Variants in GINS1 observed in about 807,000 individuals in gnomAD.
The protein encoded by GINS1 is GINS complex subunit 1.
A neutral mutation model predicts 34.9 loss-of-function variants in GINS1; 26 were observed. The ratio of observed to expected loss-of-function variants is 0.74; its 90% CI spans 0.55 to 1.03. GINS1 has a LOEUF of 1.03. GINS1 is among the 50% of genes least tolerant of loss of function. The pLI, the probability that GINS1 is intolerant of heterozygous loss-of-function variation, is 0.00. For synonymous variants in GINS1, 97 were observed against 84.4 expected (o/e 1.15, Z -0.82); for missense variants, 235 against 237.9 (o/e 0.99, Z 0.08).
chr20:25,416,215 A>G (rs573080292), intron 2 of GINS1, among the ~76,000 whole-genome samples: 4 of 152,318 alleles, frequency 2.6e-5, no homozygotes, highest in African/African-American at 9.6e-5. Context: ...TGAGAAGGTT[A>G]TAAATGTTTT....
At chr20:25,410,879 C>T (rs567931827) in intron 1 of GINS1, among the ~76,000 whole-genome samples, 32 of 152,242 alleles carry the variant, frequency 2.1e-4, no homozygotes, top group African/African-American at 7.7e-4. Flanking sequence ...ACAGGCTTTT[C>T]TTCTGGAATC....
intron 5 of GINS1, among the ~76,000 whole-genome samples, chr20:25,432,910 T>C (rs973405508): frequency 6.7e-6 from 1 of 149,130 alleles, no homozygotes; most frequent in African/African-American, 2.4e-5. Context: ...TTCTATAATA[T>C]ATAATAGTCT....
chr20:25,439,919 T>A lies in GINS1; in HGVS notation c.448-1783T>A, dbSNP rs151299341. On this transcript the variant is annotated intron_variant, in intron 5 of 6. Transcript: ENST00000262460. ...CTGAGGCAGGAGAATTGCTTGAACC[T>A]GGGAAGCGGAGGTTCCAGTGAGCCA... Among the ~76,000 whole-genome samples the A allele has an allele frequency of 1.4e-3, 205 of 150,118 alleles. 1 individual carries two copies. The highest frequency in any genetic ancestry group is 4.8e-3 in the African/African-American group (194 of 40,760).
chr20:25,414,168 G>A (rs2482910), intron 2 of GINS1, among the ~76,000 whole-genome samples: 233 of 117,312 alleles, frequency 2.0e-3, no homozygotes, highest in Middle Eastern at 0.015. Context: ...CCAGCCTGGC[G>A]ATAGGGCAAG....
intron 6 of GINS1, among the ~76,000 whole-genome samples, chr20:25,445,348 ATTTT>A (rs61186516): frequency 7.2e-6 from 1 of 138,356 alleles, no homozygotes; most frequent in Non-Finnish European, 1.6e-5. Flanking sequence ...CGCCTGGCTA[ATTTT>A]TTTTTTTTTT....
intron 5 of GINS1, among the ~76,000 whole-genome samples, chr20:25,428,163 G>A (rs117547483): frequency 0.014 from 2,058 of 151,970 alleles, 24 homozygotes; most frequent in Middle Eastern, 0.031. Flanking sequence ...GTGAGCCATC[G>A]CACCCGGCCA....
chr20:25,413,037 T>C (rs1392548279), intron 1 of GINS1, among the ~76,000 whole-genome samples: 1 of 151,970 alleles, frequency 6.6e-6, no homozygotes, highest in African/African-American at 2.4e-5. Context: ...CTCATTGTTG[T>C]GTATGTTGTC....
At chr20:25,440,982 C>A (rs1422767321) in intron 5 of GINS1, among the ~76,000 whole-genome samples, 1 of 152,080 alleles carries the variant, frequency 6.6e-6, no homozygotes, top group Non-Finnish European at 1.5e-5. Flanking sequence ...AAGACATAGT[C>A]GTTGCTGGCG....
intron 5 of GINS1, among the ~76,000 whole-genome samples, chr20:25,436,367 G>A (rs766749846): frequency 6.6e-6 from 1 of 152,160 alleles, no homozygotes; most frequent in Non-Finnish European, 1.5e-5. Flanking sequence ...TTATATTTAT[G>A]TCTTTTATCA....
intron 1 of GINS1, among the ~76,000 whole-genome samples, chr20:25,411,618 G>A (rs1301626126): frequency 6.6e-6 from 1 of 151,904 alleles, no homozygotes; most frequent in Non-Finnish European, 1.5e-5. Context: ...GGCCAACATG[G>A]CGAAACCCTG....
intron 5 of GINS1, among the ~76,000 whole-genome samples, chr20:25,426,608 C>T (rs1391004515): frequency 6.6e-6 from 1 of 151,874 alleles, no homozygotes; most frequent in Admixed American, 6.6e-5. Context: ...TCACCGCAAC[C>T]TCCGCCTCCT....
chr20:25,419,602 C>T (rs562915785), intron 4 of GINS1: 22 of 781,792 alleles, frequency 2.8e-5, no homozygotes, highest in African/African-American at 2.7e-4. Flanking sequence ...ATGAACAGAA[C>T]ATTATGTTTC....
intron 4 of GINS1, among the ~76,000 whole-genome samples, chr20:25,419,520 C>G (rs2090342031): frequency 6.6e-6 from 1 of 152,166 alleles, no homozygotes; most frequent in Non-Finnish European, 1.5e-5. Flanking sequence ...TAGTACCTCA[C>G]TTTATGCTCT....
chr20:25,411,719 G>A (rs1025342907), intron 1 of GINS1, among the ~76,000 whole-genome samples: 20 of 152,194 alleles, frequency 1.3e-4, no homozygotes, highest in African/African-American at 4.6e-4. Context: ...GAGGTGGGTG[G>A]ATTGCCTGAG....
chr20:25,435,764 C>CAAA (rs1220652491), intron 5 of GINS1, among the ~76,000 whole-genome samples: 21 of 58,416 alleles, frequency 3.6e-4, no homozygotes, highest in African/African-American at 7.1e-4. Context: ...GATTCCGTCT[C>CAAA]AAAAAAAAAA....
intron 5 of GINS1, among the ~76,000 whole-genome samples, chr20:25,430,846 G>T (rs1294551024): frequency 6.6e-6 from 1 of 152,200 alleles, no homozygotes; most frequent in Non-Finnish European, 1.5e-5. Context: ...GAGAATTTTT[G>T]CATCAGTGTT....
intron 2 of GINS1, among the ~76,000 whole-genome samples, chr20:25,416,082 T>G (rs1219614119): frequency 6.6e-6 from 1 of 152,070 alleles, no homozygotes; most frequent in Non-Finnish European, 1.5e-5. Flanking sequence ...GAGGTGTAAG[T>G]GTGGACAGGT....
intron 5 of GINS1, among the ~76,000 whole-genome samples, chr20:25,426,222 G>C (rs781010529): frequency 6.6e-6 from 1 of 152,118 alleles, no homozygotes; most frequent in East Asian, 1.9e-4. Context: ...TTCACTTAGC[G>C]TAATATCTTC....
chr20:25,422,431 CA>C (rs963998076), intron 4 of GINS1, among the ~76,000 whole-genome samples: 5 of 149,450 alleles, frequency 3.3e-5, no homozygotes, highest in Admixed American at 1.3e-4. Context: ...AAAAAAAAAA[CA>C]AAAAAAAACT....
Sources: allele counts gnomAD v4.1 joint callset (sites outside exome capture counted in the v4.1 genomes callset), GRCh38; gene constraint gnomAD v4.1.1; transcripts MANE v1.5; gene names NCBI Gene and HGNC (gene_info 2026-07-23, HGNC 2026-07-21).